The following LPP variants were observed in gnomAD, a reference collection of about 807,000 sequenced individuals.
The protein encoded by LPP is LIM domain containing preferred translocation partner in lipoma, also known as lipoma-preferred partner.
Under a neutral mutation model 60.4 loss-of-function variants are expected in LPP, and 38 were observed. The observed-to-expected ratio is 0.63, with a 90% CI of 0.49 to 0.83. LPP has a LOEUF of 0.83. Ranked by LOEUF, LPP falls within the 40% of genes least tolerant of loss-of-function variation. The pLI is 0.00. For missense variants in LPP, 902 were observed against 783.6 expected (o/e 1.15, Z -1.80); for synonymous variants, 328 against 290.8 (o/e 1.13, Z -1.30).
chr3:188,633,228 C>T (rs1848157217), intron 7 of LPP, among the ~76,000 whole-genome samples: 1 of 152,216 alleles, frequency 6.6e-6, no homozygotes, highest in Admixed American at 6.5e-5. Context: ...GCTGGTAGCA[C>T]ACAGGCATCA....
At chr3:188,813,506 C>G (rs1751648626) in intron 9 of LPP, among the ~76,000 whole-genome samples, 2 of 152,128 alleles carry the variant, frequency 1.3e-5, no homozygotes, top group Non-Finnish European at 2.9e-5. Context: ...CAGGTAGTAT[C>G]TCCAGAATAT....
At chr3:188,240,262 A>C in intron 2 of LPP, 1 of 171,542 alleles carries the variant, frequency 5.8e-6, no homozygotes, top group South Asian at 2.0e-4. Flanking sequence ...AAAAGTAGTG[A>C]GGGGGAACAT....
chr3:188,305,076 T>C (rs1751081952), intron 2 of LPP, among the ~76,000 whole-genome samples: 1 of 152,238 alleles, frequency 6.6e-6, no homozygotes. Flanking sequence ...GATTTCATTT[T>C]TATTTCTTCT....
At chr3:188,591,703 T>TA (rs1838748234) in intron 6 of LPP, among the ~76,000 whole-genome samples, 1 of 152,196 alleles carries the variant, frequency 6.6e-6, no homozygotes, top group Non-Finnish European at 1.5e-5. Context: ...GCCCTGATCC[T>TA]GTCATTCTAC....
chr3:188,668,827 C>G (rs1856351519), intron 7 of LPP, among the ~76,000 whole-genome samples: 1 of 152,182 alleles, frequency 6.6e-6, no homozygotes, highest in African/African-American at 2.4e-5. Flanking sequence ...TGTTCATACT[C>G]TTTATCGCTT....
chr3:188,672,957 A>G (rs1576960043), intron 7 of LPP, among the ~76,000 whole-genome samples: 1 of 146,726 alleles, frequency 6.8e-6, no homozygotes, highest in African/African-American at 2.6e-5. Flanking sequence ...GTTTTCTTTT[A>G]TTGTTTTTTT....
At chr3:188,554,740 G>A (rs1473313148) in intron 6 of LPP, among the ~76,000 whole-genome samples, 1 of 152,082 alleles carries the variant, frequency 6.6e-6, no homozygotes, top group Non-Finnish European at 1.5e-5. Context: ...ATACTATTGG[G>A]TTCTTCAAGT....
chr3:188,776,180 G>A (rs1047056445), intron 9 of LPP, among the ~76,000 whole-genome samples: 1 of 152,158 alleles, frequency 6.6e-6, no homozygotes, highest in Non-Finnish European at 1.5e-5. Context: ...TGAGAGATTC[G>A]GGCAGTTGTG....
At chr3:188,413,295 T>G (rs543558780) in intron 4 of LPP, among the ~76,000 whole-genome samples, 3 of 152,286 alleles carry the variant, frequency 2.0e-5, no homozygotes, top group South Asian at 4.1e-4. Flanking sequence ...GCAAAGAGAA[T>G]CTTGCTCTGA....
At chr3:188,252,075 T>TATACAC (rs1233544060) in intron 2 of LPP, among the ~76,000 whole-genome samples, 15 of 58,484 alleles carry the variant, frequency 2.6e-4, no homozygotes, top group African/African-American at 7.4e-4. Flanking sequence ...TATATATATA[T>TATACAC]ACACACACAC....
At position 188,657,495 on chromosome 3, in the gene LPP, C is replaced by T. The variant is rs554194579; in HGVS notation, c.1113+47651C>T. Among the ~76,000 whole-genome samples, 9 of 151,658 alleles carry T rather than the reference C, an allele frequency of 5.9e-5. No homozygotes were observed. In the East Asian group the frequency reaches 9.6e-4, roughly 16 times the overall value. ...AATTTAGCATTACCAGTGGATTCTG[C>T]GTATTTGATATGCTCTTTTTATTTT... On this transcript the variant is annotated intron_variant, in intron 7 of 11. Transcript: ENST00000617246.
chr3:188,676,302 G>C (rs1858073850), intron 7 of LPP, among the ~76,000 whole-genome samples: 1 of 152,104 alleles, frequency 6.6e-6, no homozygotes. Context: ...TGTAAATAAA[G>C]GGCAGCCAGC....
intron 7 of LPP, among the ~76,000 whole-genome samples, chr3:188,621,465 C>G (rs1845788533): frequency 6.6e-6 from 1 of 152,134 alleles, no homozygotes; most frequent in Non-Finnish European, 1.5e-5. Flanking sequence ...ATTATGGCCT[C>G]TAGCTCCATC....
At chr3:188,349,244 G>T (rs753792737) in intron 3 of LPP, among the ~76,000 whole-genome samples, 1 of 152,118 alleles carries the variant, frequency 6.6e-6, no homozygotes, top group East Asian at 1.9e-4. Flanking sequence ...AGCTTAATCA[G>T]TTATTTTTGC....
At chr3:188,832,367 C>T (rs1013457691) in intron 9 of LPP, among the ~76,000 whole-genome samples, 6 of 152,078 alleles carry the variant, frequency 3.9e-5, no homozygotes, top group African/African-American at 1.4e-4. Flanking sequence ...ACTCACATAC[C>T]CACAAGGAAA....
chr3:188,503,356 A>C (rs1812475601), intron 5 of LPP, among the ~76,000 whole-genome samples: 1 of 152,186 alleles, frequency 6.6e-6, no homozygotes, highest in South Asian at 2.1e-4. Flanking sequence ...GTAGAAAACA[A>C]AATTGGGCTT....
At chr3:188,757,359 C>T (rs1237667882) in intron 8 of LPP, among the ~76,000 whole-genome samples, 1 of 152,178 alleles carries the variant, frequency 6.6e-6, no homozygotes, top group Non-Finnish European at 1.5e-5. Context: ...TAAGGCTTTG[C>T]TCTGGCCGTT....
chr3:188,643,770 TTTCTG>T (rs779365143), intron 7 of LPP, among the ~76,000 whole-genome samples: 2 of 152,178 alleles, frequency 1.3e-5, no homozygotes, highest in Non-Finnish European at 2.9e-5. Flanking sequence ...TGTGCTAGGA[TTTCTG>T]TTTGGGAGTA....
rs748506984 is a variant in LPP, at chr3:188,269,645, A to ATATGTGTGTGTGTGTGTG, written c.-67+44119_-67+44120insATGTGTGTGTGTGTGTGT. 2.0e-3 allele frequency among the ~76,000 whole-genome samples: 272 copies of ATATGTGTGTGTGTGTGTG among 136,508 alleles called. 1 individual carries two copies. Among genetic ancestry groups the ATATGTGTGTGTGTGTGTG allele is most frequent in the Non-Finnish European group, 2.8e-3 (179 of 64,580 alleles). The allele number at this position is 136,508 out of a possible 152,430, so 89.6% of individuals were successfully genotyped here. ...GCTAGCTGGTTGTGCCTTTTTTTTTATGTGTGTGTGTGTGTGTGTGTGTGT... is the reference window on the plus strand; with the variant it reads ...GCTAGCTGGTTGTGCCTTTTTTTTTATATGTGTGTGTGTGTGTGTGTGTGTGTGTGTGTGTGTGTGTGT... On this transcript the variant is annotated intron_variant, in intron 2 of 11. Transcript: ENST00000617246.
Sources: allele counts gnomAD v4.1 joint callset (sites outside exome capture counted in the v4.1 genomes callset), GRCh38; gene constraint gnomAD v4.1.1; transcripts MANE v1.5; gene names NCBI Gene and HGNC (gene_info 2026-07-23, HGNC 2026-07-21).